The following MUC4 variants were observed in gnomAD, a reference collection of about 807,000 sequenced individuals.
The protein encoded by MUC4 is mucin 4, cell surface associated.
A neutral mutation model predicts 257.9 loss-of-function variants in MUC4; 202 were observed. The observed-to-expected ratio is 0.78, with a 90% CI of 0.70 to 0.88. The LOEUF (loss-of-function observed/expected upper bound fraction) is 0.88. Among genes scored for constraint, MUC4 ranks in the 40% least tolerant of loss-of-function variants. The probability of loss-of-function intolerance (pLI) is 0.00; values close to 1 mark genes in which losing one functional copy is unlikely to be tolerated. For synonymous variants in MUC4, 2,351 were observed against 2,757.1 expected (o/e 0.85, Z 4.62); for missense variants, 5,976 against 6,513.7 (o/e 0.92, Z 2.84).
At position 195,781,331 on chromosome 3, in the gene MUC4, C is replaced by G; in HGVS notation, c.10249G>C (p.Ala3417Pro). The G allele has an allele frequency of 6.7e-7, 1 of 1,502,198 alleles. No homozygotes were observed. Among genetic ancestry groups the G allele is most frequent in the African/African-American group, 1.5e-5 (1 of 68,816 alleles). The allele number at this position is 1,502,198 out of a possible 1,614,324, so 93.1% of individuals were successfully genotyped here. A position where few individuals can be genotyped will look rare whatever the true frequency, so the allele number is the denominator to read the frequency against. ...MPLPVTSPSS[A>P]STGHATPLPV... is the part of the protein sequence containing the mutation. The stretch of plus-strand genomic sequence containing the variant: ...AGAGGGGTGGCGTGACCTGTGGATG[C>G]TGAGGAAGGGCTAGTGACAGGAAGA... The change falls in exon 2 of 25, where the codon GCA becomes CCA. Residue 3417 changes from alanine to proline, a missense_variant. By Grantham distance (27) the Ala-to-Pro change is conservative (BLOSUM62 -1). This residue lies in a region of MUC4 where 297 missense variants were observed against 240.9 expected (regional missense o/e 1.23). Transcript: ENST00000463781.
intron 4 of MUC4, among the ~76,000 whole-genome samples, 196 bp downstream of exon 4, chr3:195,773,976 G>T (rs1417940550): frequency 2.0e-5 from 3 of 152,250 alleles, no homozygotes; most frequent in African/African-American, 7.2e-5. Context: ...GCAGCGGTGG[G>T]CCCAGCAGGT....
At position 195,780,043 on chromosome 3, in the gene MUC4, G is replaced by A. The variant is rs186560307; in HGVS notation, c.11537C>T (p.Pro3846Leu). The part of the protein sequence containing the change: ...GHATPLPVTI[P>L]SSVSTGDTMP... ...GGTGTCACCTGTGGATACTGAGGAA[G>A]GGATGGTGACAGGAAGAGGGGTGGC... Residue 3846 changes from proline to leucine, a missense_variant, in exon 2 of 25, where the codon CCT (proline) becomes CTT (leucine). By Grantham distance (98) the Pro-to-Leu change is moderately conservative (BLOSUM62 -3). This residue lies in a region of MUC4 where 330 missense variants were observed against 262.0 expected (regional missense o/e 1.26). Coordinates refer to ENST00000463781, the MANE Select transcript of MUC4 (RefSeq NM_018406.7). The A allele has an allele frequency of 0.032, 14,241 of 451,094 alleles. 3,604 individuals are homozygous for A. Among genetic ancestry groups the A allele is most frequent in the East Asian group, 0.16 (917 of 5,624 alleles). 27.9% of individuals were successfully genotyped at this position (451,094 alleles called of 1,614,324 possible).
Position 195,772,028 on chromosome 3 carries a change from C to T in MUC4, c.13078-212G>A, listed in dbSNP as rs561115438. On this transcript the variant is annotated intron_variant, in intron 4 of 24. Coordinates refer to ENST00000463781, the MANE Select transcript of MUC4 (RefSeq NM_018406.7). Reference sequence around the variant, plus strand: ...CCGCCCTCAGGCCATCCCTTGCGTCCTCGGGTGGTAGGCTTGGTCCTGTTT... The same window carrying T: ...CCGCCCTCAGGCCATCCCTTGCGTCTTCGGGTGGTAGGCTTGGTCCTGTTT... Among the ~76,000 whole-genome samples the T allele has an allele frequency of 2.6e-5, 4 of 152,312 alleles. No homozygotes were observed. In the East Asian group the frequency reaches 7.7e-4, roughly 29 times the overall value.
At chr3:195,811,358 G>C (rs1736713897) in intron 1 of MUC4, among the ~76,000 whole-genome samples, 1 of 151,888 alleles carries the variant, frequency 6.6e-6, no homozygotes, top group African/African-American at 2.4e-5. Flanking sequence ...ATATTTAGTA[G>C]AGACGGGGTT....
chr3:195,778,954 A>G lies in MUC4; in HGVS notation c.12626T>C (p.Leu4209Pro). 7.3e-7 allele frequency: 1 copy of G among 1,367,208 alleles called. No individual in the cohort carries two copies. Among genetic ancestry groups the G allele is most frequent in the African/African-American group, 1.4e-5 (1 of 70,654 alleles). 84.7% of individuals were successfully genotyped at this position (1,367,208 alleles called of 1,614,324 possible). The stretch of plus-strand genomic sequence containing the variant: ...TGCTGAGGAAGTGTCGGTGACAGGA[A>G]GAGGGGTGGCGTGACCTGTGGATGC... ...SSASTGHATP[L>P]PVTDTSSAST... The change falls in exon 2 of 25, where the codon CTT (leucine) becomes CCT (proline). Residue 4209 changes from leucine to proline, a missense_variant. Transcript: ENST00000463781.
chr3:195,792,365 C>G (rs931903216), intron 1 of MUC4, among the ~76,000 whole-genome samples: 24 of 152,154 alleles, frequency 1.6e-4, no homozygotes, highest in African/African-American at 5.6e-4. Context: ...ATGCCACCAA[C>G]AAACATATGA....
Position 195,786,918 on chromosome 3 carries a change from A to T in MUC4, c.4662T>A (p.Pro1554=). The change falls in exon 2 of 25, where the codon CCT becomes CCA. Residue 1554 remains proline, a synonymous_variant. Coordinates refer to ENST00000463781, the MANE Select transcript of MUC4 (RefSeq NM_018406.7). ...SASTGDTTPL[P]VTDASSVSTG... is the part of the protein sequence containing the mutation. Reference sequence around the variant, plus strand: ...TGGATACTGAGGAAGCGTCGGTGACAGGAAGAGGGGTGGTGTCACCTGTGG... The same window carrying T: ...TGGATACTGAGGAAGCGTCGGTGACTGGAAGAGGGGTGGTGTCACCTGTGG... The T allele has an allele frequency of 2.0e-6, 3 of 1,500,042 alleles. No homozygotes were observed. The highest frequency in any genetic ancestry group is 2.1e-5 in the Admixed American group (1 of 48,278). 92.9% of individuals were successfully genotyped at this position (1,500,042 alleles called of 1,614,324 possible).
intron 13 of MUC4, 116 bp from the exon 14 acceptor site, chr3:195,762,370 G>A (rs1164803859): frequency 8.4e-7 from 1 of 1,194,652 alleles, no homozygotes; most frequent in Non-Finnish European, 1.2e-6. Context: ...GAAGCCGGGA[G>A]GGGTCTGCAC....
chr3:195,802,560 G>C (rs62282509), intron 1 of MUC4, among the ~76,000 whole-genome samples: 1 of 151,996 alleles, frequency 6.6e-6, no homozygotes, highest in Non-Finnish European at 1.5e-5. Flanking sequence ...GACTGGCATT[G>C]GTCCTGGGTG....
intron 4 of MUC4, 69 bp downstream of exon 4, chr3:195,774,103 C>T: frequency 5.4e-6 from 8 of 1,487,722 alleles, no homozygotes; most frequent in Non-Finnish European, 6.3e-6. Flanking sequence ...CCTCTGGGTT[C>T]CGTCTCGAAG....
In MUC4 at chr3:195,781,434, A is replaced by T. The variant is rs748041671; in HGVS notation, c.10146T>A (p.Ile3382=). Reference sequence around the variant, plus strand: ...TGGCCTGACCTGTGGATGCCGAGGAAATGTCGGTGACAGGAAGACGGGTGG... The same window carrying T: ...TGGCCTGACCTGTGGATGCCGAGGATATGTCGGTGACAGGAAGACGGGTGG... The part of the protein sequence containing the change: ...GDTTRLPVTD[I]SSASTGQATP... The change falls in exon 2 of 25, where the codon ATT becomes ATA. Residue 3382 remains isoleucine, a synonymous_variant. Coordinates refer to ENST00000463781, the MANE Select transcript of MUC4 (RefSeq NM_018406.7). 2 of 1,531,516 alleles carry T rather than the reference A, an allele frequency of 1.3e-6. No homozygotes were observed. Among genetic ancestry groups the T allele is most frequent in the Non-Finnish European group, 1.8e-6 (2 of 1,135,580 alleles). 94.9% of individuals were successfully genotyped at this position (1,531,516 alleles called of 1,614,324 possible).
chr3:195,788,842 G>C lies in MUC4; in HGVS notation c.2738C>G (p.Thr913Arg). Residue 913 changes from threonine to arginine, a missense_variant, in exon 2 of 25, where the codon ACA becomes AGA. Physicochemically the swap from Thr to Arg is moderately conservative, Grantham distance 71 (BLOSUM62 -1). This residue lies in a region of MUC4 where 1,583 missense variants were observed against 1,257.4 expected (regional missense o/e 1.26). Coordinates refer to ENST00000463781, the MANE Select transcript of MUC4 (RefSeq NM_018406.7). ...AISRMAQTQR[T>R]RTSRGSDTIS... ...AGTGTCAGACCCTCTGCTGGTTCTTGTCCTCTGAGTCTGGGCCATCCGGGA... is the reference window on the plus strand; with the variant it reads ...AGTGTCAGACCCTCTGCTGGTTCTTCTCCTCTGAGTCTGGGCCATCCGGGA... 1 of 1,613,934 alleles carries C rather than the reference G, an allele frequency of 6.2e-7. No homozygotes were observed. Among genetic ancestry groups the C allele is most frequent in the East Asian group, 2.2e-5 (1 of 44,882 alleles).
Position 195,753,246 on chromosome 3 carries a change from G to A in MUC4, c.15329-16C>T. 1 of 1,613,014 alleles carries A rather than the reference G, an allele frequency of 6.2e-7. No homozygotes were observed. ...CTCCCCAGAGCTGCAGAGTGAGTAGGGAGGTCAGCAGCAGCGCGCAGGGCA... is the reference window on the plus strand; with the variant it reads ...CTCCCCAGAGCTGCAGAGTGAGTAGAGAGGTCAGCAGCAGCGCGCAGGGCA... On this transcript the variant is annotated splice_polypyrimidine_tract_variant and intron_variant, in intron 19 of 24. Transcript: ENST00000463781.
At position 195,780,404 on chromosome 3, in the gene MUC4, C is replaced by T. The variant is rs775439938; in HGVS notation, c.11176G>A (p.Val3726Ile). Reference sequence around the variant, plus strand: ...GGGCTGGTGACATGAAGAGGGGTGACGTGACCTGTAGATACTGAGGAAGTG... The same window carrying T: ...GGGCTGGTGACATGAAGAGGGGTGATGTGACCTGTAGATACTGAGGAAGTG... ...TSTSSVSTGHVTPLHVTSPSS... is the reference protein window; with the variant it reads ...TSTSSVSTGHITPLHVTSPSS... The change falls in exon 2 of 25, where the codon GTC becomes ATC. Residue 3726 changes from valine (V) to isoleucine (I), a missense_variant. By Grantham distance (29) the Val-to-Ile change is conservative (BLOSUM62 3). Coordinates refer to ENST00000463781, the MANE Select transcript of MUC4 (RefSeq NM_018406.7). 209 of 1,522,420 alleles carry T rather than the reference C, an allele frequency of 1.4e-4. 9 individuals are homozygous for T. The African/African-American group carries it at 1.5e-3, about 11-fold the overall frequency. The allele number at this position is 1,522,420 out of a possible 1,614,324, so 94.3% of individuals were successfully genotyped here. A position where few individuals can be genotyped will look rare whatever the true frequency, so the allele number is the denominator to read the frequency against.
In MUC4 at chr3:195,767,900, A is replaced by G. The variant is rs567142676; in HGVS notation, c.13529+1122T>C. Among the ~76,000 whole-genome samples the G allele has an allele frequency of 4.9e-3, 645 of 132,416 alleles. 10 individuals carry two copies. The highest frequency in any genetic ancestry group is 7.5e-3 in the Middle Eastern group (2 of 268). The allele number at this position is 132,416 out of a possible 152,430, so 86.9% of individuals were successfully genotyped here. A position where few individuals can be genotyped will look rare whatever the true frequency, so the allele number is the denominator to read the frequency against. ...CATCACCACCATCACCACCACCATC[A>G]CCACCATCACCATCGCCACTGCCAC... On this transcript the variant is annotated intron_variant, in intron 7 of 24. Transcript: ENST00000463781.
At chr3:195,765,472 A>G in intron 8 of MUC4, 23 bp from the exon 9 acceptor site, 1 of 1,604,478 alleles carries the variant, frequency 6.2e-7, no homozygotes, top group East Asian at 2.2e-5. Flanking sequence ...ATGGGGGGGA[A>G]AGGGCTTATC....
intron 18 of MUC4, among the ~76,000 whole-genome samples, chr3:195,754,820 GTGTATCCATGTGTGTA>G (rs1315616789): frequency 4.4e-4 from 8 of 18,098 alleles, no homozygotes; most frequent in South Asian, 3.2e-3. Context: ...GTATCCATGT[GTGTATCCATGTGTGTA>G]TGTATCATGT....
At chr3:195,778,731 G>A in intron 2 of MUC4, 59 bp downstream of exon 2, 1 of 1,506,058 alleles carries the variant, frequency 6.6e-7, no homozygotes, top group South Asian at 1.3e-5. Context: ...GTACTCCTTA[G>A]GCTGAATTCC....
chr3:195,754,863 A>C (rs1264843382), intron 18 of MUC4, among the ~76,000 whole-genome samples: 1 of 142,960 alleles, frequency 7.0e-6, no homozygotes, highest in African/African-American at 2.5e-5. Context: ...CCATGTAGAT[A>C]TGTATCAATG....
Sources: gnomAD v4.1 joint callset for allele counts (sites outside exome capture counted in the v4.1 genomes callset) on GRCh38, gnomAD v4.1.1 for gene constraint, gnomAD v4.1.1 regional missense constraint, MANE v1.5 for transcripts, NCBI Gene and HGNC (gene_info 2026-07-23, HGNC 2026-07-21) for gene names.